Variants in HBEGF observed in about 807,000 individuals in gnomAD.
HBEGF encodes proheparin-binding EGF-like growth factor.
HBEGF carries 8 observed loss-of-function variants against 19.5 expected under a neutral mutation model. The observed-to-expected ratio is 0.41, with a 90% CI of 0.24 to 0.74. The LOEUF (loss-of-function observed/expected upper bound fraction) is 0.74, where lower values mean the gene tolerates loss of function less well. Among genes scored for constraint, HBEGF ranks in the 30% least tolerant of loss-of-function variants. HBEGF has a pLI of 0.32. For missense variants in HBEGF, 207 were observed against 256.9 expected (o/e 0.81, Z 1.33); for synonymous variants, 97 against 108.9 (o/e 0.89, Z 0.68).
chr5:140,340,965 G>A (rs1393293760), intron 3 of HBEGF, among the ~76,000 whole-genome samples: 1 of 152,178 alleles, frequency 6.6e-6, no homozygotes, highest in East Asian at 1.9e-4. Flanking sequence ...ACCAAGTCCT[G>A]CCTACTCAGC....
Position 140,346,139 on chromosome 5 carries a change from C to T in HBEGF, c.47-55G>A, listed in dbSNP as rs974623075. The T allele has an allele frequency of 1.3e-6, 2 of 1,580,560 alleles. No individual in the cohort carries two copies. The highest frequency in any genetic ancestry group is 2.7e-5 in the African/African-American group (2 of 73,946). ...CACCCGCCCAGACCCCTGACCAACA[C>T]GCACCGATGCCGACGCCCGTCCGCC... On this transcript the variant is annotated intron_variant, in intron 1 of 5. Coordinates refer to ENST00000230990, the MANE Select transcript of HBEGF (RefSeq NM_001945.3). The surrounding 1 kb of genome is among the most constrained non-coding windows in gnomAD (Gnocchi z 6.1).
rs1421962381 is a variant in HBEGF at position 140,336,087 on chromosome 5, G to A, written c.399-60C>T. On this transcript the variant is annotated intron_variant, in intron 3 of 5. Coordinates refer to ENST00000230990, the MANE Select transcript of HBEGF (RefSeq NM_001945.3). Reference sequence around the variant, plus strand: ...AGTGCTTTGGCCTCTCTTGGCAATGGCCCACCTGCATAAGCCAAACCCCAT... The same window carrying A: ...AGTGCTTTGGCCTCTCTTGGCAATGACCCACCTGCATAAGCCAAACCCCAT... 4.5e-6 allele frequency: 7 copies of A among 1,558,928 alleles called. No homozygotes were observed. In the African/African-American group the frequency reaches 6.8e-5, roughly 15 times the overall value.
intron 3 of HBEGF, among the ~76,000 whole-genome samples, chr5:140,342,400 A>G (rs1408125863): frequency 1.3e-5 from 2 of 152,164 alleles, no homozygotes. Flanking sequence ...GGCAAGCAGG[A>G]AATGTCCCCA....
At chr5:140,345,562 C>T (rs1352243408) in intron 2 of HBEGF, among the ~76,000 whole-genome samples, 1 of 152,200 alleles carries the variant, frequency 6.6e-6, no homozygotes, top group Non-Finnish European at 1.5e-5. Flanking sequence ...GGAATTAGAA[C>T]TGGCGCCCAT....
Position 140,346,262 on chromosome 5 carries a change from G to C in HBEGF, c.46+21C>G. ...ACGCCCCCATCCCCCCGATCTCCGG[G>C]GGCGTCGGCAGCCCTCTTACCTGCA... On this transcript the variant is annotated intron_variant, in intron 1 of 5. Coordinates refer to ENST00000230990, the MANE Select transcript of HBEGF (RefSeq NM_001945.3). The surrounding 1 kb of genome is among the most constrained non-coding windows in gnomAD (Gnocchi z 6.1). 6.3e-7 allele frequency: 1 copy of C among 1,597,866 alleles called. No individual in the cohort carries two copies. Among genetic ancestry groups the C allele is most frequent in the Non-Finnish European group, 8.5e-7 (1 of 1,173,186 alleles).
In HBEGF at chr5:140,345,891, T is replaced by TG. The variant is rs758679200; in HGVS notation, c.220+19dup. 10 of 1,613,810 alleles carry TG rather than the reference T, an allele frequency of 6.2e-6. No individual in the cohort carries two copies. The Admixed American group carries it at 1.2e-4, about 19-fold the overall frequency. ...TCAACAGCCCACCAAGGTCCAAGGA[T>TG]GGGGGGCCTCCACACCCACCTCTCA... On this transcript the variant is annotated intron_variant, in intron 2 of 5. Transcript: ENST00000230990.
chr5:140,335,696 A>G (rs1766217717), intron 4 of HBEGF, among the ~76,000 whole-genome samples, 176 bp downstream of exon 4: 1 of 152,190 alleles, frequency 6.6e-6, no homozygotes, highest in East Asian at 1.9e-4. Context: ...TGGGCTCTAG[A>G]CACAGGACTC....
chr5:140,336,891 G>A (rs1290720579), intron 3 of HBEGF, among the ~76,000 whole-genome samples: 3 of 144,724 alleles, frequency 2.1e-5, no homozygotes, highest in East Asian at 2.0e-4. Context: ...GTGCAGTGGC[G>A]CAATCTTGGC....
At position 140,346,474 on chromosome 5, in the gene HBEGF, G is replaced by T; in HGVS notation, c.-146C>A. On this transcript the variant is annotated 5_prime_UTR_variant, in exon 1 of 6. Transcript: ENST00000230990. The surrounding 1 kb of genome is among the most constrained non-coding windows in gnomAD (Gnocchi z 6.1). ...CGCCTCTGCGTGCAAGCCTGGCCGG[G>T]ACCCAGGCGCAGCTCGCTCTTCTTG... The T allele has an allele frequency of 1.1e-6, 1 of 869,586 alleles. No homozygotes were observed. Among genetic ancestry groups the T allele is most frequent in the Non-Finnish European group, 1.8e-6 (1 of 556,096 alleles). The allele number at this position is 869,586 out of a possible 1,614,324, so 53.9% of individuals were successfully genotyped here.
At chr5:140,338,779 C>T (rs1348751636) in intron 3 of HBEGF, among the ~76,000 whole-genome samples, 1 of 152,188 alleles carries the variant, frequency 6.6e-6, no homozygotes, top group African/African-American at 2.4e-5. Flanking sequence ...ACACATTCTT[C>T]CCACCCACGT....
chr5:140,336,152 C>T (rs1431456569), intron 3 of HBEGF, 125 bp from the exon 4 acceptor site: 6 of 894,182 alleles, frequency 6.7e-6, no homozygotes, highest in Admixed American at 2.5e-5. Context: ...ACCACGATCC[C>T]TGCCCATCCT....
Position 140,342,668 on chromosome 5 carries a change from T to C in HBEGF, c.365A>G (p.Lys122Arg), listed in dbSNP as rs1455470418. Residue 122 changes from lysine to arginine, a missense_variant, in exon 3 of 6, where the codon AAA (lysine) becomes AGA (arginine). Physicochemically the swap from Lys to Arg is conservative, Grantham distance 26 (BLOSUM62 2). Around this residue, in one of 3 missense-constraint regions of HBEGF, gnomAD observed 3 missense variants for 17.3 expected, o/e 0.17. Coordinates refer to ENST00000230990, the MANE Select transcript of HBEGF (RefSeq NM_001945.3). ...YKDFCIHGEC[K>R]YVKELRAPSC... is the part of the protein sequence containing the mutation. ...GGGAGCCCGGAGCTCCTTCACATAT[T>C]TGCATTCTCCATGGATGCAGAAGTC... 6.2e-7 allele frequency: 1 copy of C among 1,614,034 alleles called. No homozygotes were observed. Among genetic ancestry groups the C allele is most frequent in the Non-Finnish European group, 8.5e-7 (1 of 1,180,026 alleles).
intron 2 of HBEGF, among the ~76,000 whole-genome samples, chr5:140,345,033 G>GT (rs545968208): frequency 3.2e-4 from 49 of 152,334 alleles, no homozygotes; most frequent in African/African-American, 1.2e-3. Flanking sequence ...AGTAGAGAGA[G>GT]TATCCAAGGA....
intron 3 of HBEGF, among the ~76,000 whole-genome samples, chr5:140,338,720 G>A (rs1301452302): frequency 1.3e-5 from 2 of 152,166 alleles, no homozygotes; most frequent in Admixed American, 1.3e-4. Context: ...TCCCAGGGTA[G>A]GGGCAAAATT....
intron 2 of HBEGF, among the ~76,000 whole-genome samples, chr5:140,345,658 G>A (rs1477820555): frequency 6.6e-6 from 1 of 152,072 alleles, no homozygotes; most frequent in African/African-American, 2.4e-5. Context: ...AACAACCCCA[G>A]ACAACACGTC....
At chr5:140,341,440 T>C (rs1269104316) in intron 3 of HBEGF, among the ~76,000 whole-genome samples, 1 of 152,200 alleles carries the variant, frequency 6.6e-6, no homozygotes, top group Non-Finnish European at 1.5e-5. Context: ...ATGGGGGCTT[T>C]CTATGCCACT....
chr5:140,339,498 T>C (rs1209655484), intron 3 of HBEGF, among the ~76,000 whole-genome samples: 1 of 152,158 alleles, frequency 6.6e-6, no homozygotes, highest in African/African-American at 2.4e-5. Flanking sequence ...GTTTGAGAGA[T>C]TCTCCTGCCT....
intron 3 of HBEGF, among the ~76,000 whole-genome samples, chr5:140,338,129 A>G (rs1017127013): frequency 3.9e-5 from 6 of 152,190 alleles, no homozygotes; most frequent in African/African-American, 1.4e-4. Context: ...GGTAACTCCA[A>G]GGAAGCATAT....
rs765363673 is a variant in HBEGF, at chr5:140,345,873, CCCA to C, written c.220+35_220+37del. On this transcript the variant is annotated intron_variant, in intron 2 of 5. Coordinates refer to ENST00000230990, the MANE Select transcript of HBEGF (RefSeq NM_001945.3). The stretch of plus-strand genomic sequence containing the variant: ...CTTGGATCTGCTTATTCTTCAACAG[CCCA>C]CCAAGGTCCAAGGATGGGGGGCCTC... The C allele has an allele frequency of 1.9e-6, 3 of 1,610,512 alleles. No homozygotes were observed. In the African/African-American group the frequency reaches 4.0e-5, roughly 22 times the overall value.
Sources: allele counts gnomAD v4.1 joint callset (sites outside exome capture counted in the v4.1 genomes callset), GRCh38; gene constraint gnomAD v4.1.1; regional missense constraint gnomAD v4.1.1; non-coding constraint Gnocchi (gnomAD v3.1); transcripts MANE v1.5; gene names NCBI Gene and HGNC (gene_info 2026-07-23, HGNC 2026-07-21).